The following CNOT10 variants were observed in gnomAD, a reference collection of about 807,000 sequenced individuals.
CNOT10 encodes the protein CCR4-NOT transcription complex subunit 10, also known as CCR4-NOT transcription complex, subunit 10.
A neutral mutation model predicts 94.6 loss-of-function variants in CNOT10; 30 were observed. That is an observed-to-expected ratio of 0.32 (90% confidence interval 0.24 to 0.43). The LOEUF (loss-of-function observed/expected upper bound fraction) is 0.43. Among genes scored for constraint, CNOT10 ranks in the 20% least tolerant of loss-of-function variants. CNOT10 has a pLI of 1.00. For synonymous variants in CNOT10, 289 were observed against 301.6 expected (o/e 0.96, Z 0.43); for missense variants, 759 against 877.2 (o/e 0.87, Z 1.70).
intron 3 of CNOT10, among the ~76,000 whole-genome samples, chr3:32,706,508 A>G: frequency 6.6e-6 from 1 of 152,210 alleles, no homozygotes. Context: ...GTTCGCAGTC[A>G]CATCGGGCAC....
intron 13 of CNOT10, among the ~76,000 whole-genome samples, chr3:32,741,484 C>T (rs1026888545): frequency 2.0e-5 from 3 of 151,884 alleles, no homozygotes; most frequent in African/African-American, 7.3e-5. Flanking sequence ...TAAGAAACTG[C>T]CAAGGCCAGG....
chr3:32,689,829 C>T (rs868465449), intron 1 of CNOT10, among the ~76,000 whole-genome samples: 3 of 152,008 alleles, frequency 2.0e-5, no homozygotes, highest in Non-Finnish European at 2.9e-5. Flanking sequence ...GTGGCGTGAC[C>T]CTGAAGTCCT....
chr3:32,750,852 A>G (rs1052727709), intron 13 of CNOT10, among the ~76,000 whole-genome samples: 3 of 152,152 alleles, frequency 2.0e-5, no homozygotes, highest in African/African-American at 7.2e-5. Context: ...GCCCAGCTAT[A>G]TAACAATATT....
In CNOT10 at chr3:32,759,517, C is replaced by G; in HGVS notation, c.1655C>G (p.Ala552Gly). The change falls in exon 14 of 19, where the codon GCT (alanine) becomes GGT (glycine). Residue 552 changes from alanine to glycine, a missense_variant. Around this residue, in one of 3 missense-constraint regions of CNOT10, gnomAD observed 682 missense variants for 799.4 expected, o/e 0.85. Coordinates refer to ENST00000328834, the MANE Select transcript of CNOT10 (RefSeq NM_015442.3). ...CTGGCTTTGGGTGATAACCTCATGG[C>G]TTTGAATCATGCAGATAAACTTCTT... ...VALALGDNLMALNHADKLLQQ... is the reference protein window; with the variant it reads ...VALALGDNLMGLNHADKLLQQ... The G allele has an allele frequency of 6.2e-7, 1 of 1,614,098 alleles. No homozygotes were observed. Among genetic ancestry groups the G allele is most frequent in the East Asian group, 2.2e-5 (1 of 44,878 alleles).
intron 13 of CNOT10, among the ~76,000 whole-genome samples, chr3:32,755,636 A>G (rs1700196011): frequency 6.6e-6 from 1 of 151,966 alleles, no homozygotes; most frequent in East Asian, 1.9e-4. Flanking sequence ...TATTTCAGAT[A>G]TTTGGTTTAG....
At chr3:32,764,832 T>G in intron 17 of CNOT10, 23 bp downstream of exon 17, 1 of 1,610,806 alleles carries the variant, frequency 6.2e-7, no homozygotes, top group South Asian at 1.1e-5. Flanking sequence ...TGGGAGGAAC[T>G]GAACCTTGTA....
At chr3:32,748,695 A>G (rs569347620) in intron 13 of CNOT10, among the ~76,000 whole-genome samples, 1 of 150,942 alleles carries the variant, frequency 6.6e-6, no homozygotes, top group East Asian at 2.0e-4. Flanking sequence ...TTTTTTGTAG[A>G]GACGGTGTTT....
chr3:32,719,198 G>A (rs1187913296), intron 7 of CNOT10, among the ~76,000 whole-genome samples: 2 of 152,160 alleles, frequency 1.3e-5, no homozygotes, highest in African/African-American at 4.8e-5. Flanking sequence ...GCAGTGAGCC[G>A]AGATCGCGCC....
At chr3:32,702,845 G>C (rs1256824437) in intron 1 of CNOT10, among the ~76,000 whole-genome samples, 1 of 151,896 alleles carries the variant, frequency 6.6e-6, no homozygotes, top group Non-Finnish European at 1.5e-5. Flanking sequence ...TTGGCCATAG[G>C]AACCTTTTCA....
At chr3:32,716,575 A>G (rs1186540380) in intron 6 of CNOT10, among the ~76,000 whole-genome samples, 1 of 152,206 alleles carries the variant, frequency 6.6e-6, no homozygotes, top group Non-Finnish European at 1.5e-5. Context: ...ATCAACTGGA[A>G]TTTTAAAAAG....
intron 13 of CNOT10, among the ~76,000 whole-genome samples, chr3:32,751,307 T>G (rs1330753561): frequency 6.6e-6 from 1 of 152,062 alleles, no homozygotes; most frequent in Non-Finnish European, 1.5e-5. Flanking sequence ...AGTCTCACTG[T>G]ATCGCCCAGG....
At chr3:32,744,934 A>G (rs1699627748) in intron 13 of CNOT10, among the ~76,000 whole-genome samples, 1 of 152,082 alleles carries the variant, frequency 6.6e-6, no homozygotes. Flanking sequence ...GCTGGAGTGC[A>G]GTGGCTCAAT....
chr3:32,738,931 G>A (rs923672795), intron 13 of CNOT10, among the ~76,000 whole-genome samples: 1 of 141,488 alleles, frequency 7.1e-6, no homozygotes, highest in African/African-American at 2.6e-5. Context: ...TTGAGTTGGA[G>A]TTTTACTCTC....
intron 7 of CNOT10, among the ~76,000 whole-genome samples, chr3:32,717,721 C>A (rs1253809169): frequency 6.6e-6 from 1 of 151,840 alleles, no homozygotes; most frequent in African/African-American, 2.4e-5. Flanking sequence ...CAAAAATAAG[C>A]CGGGTGTGGT....
chr3:32,700,338 C>T (rs1016246618), intron 1 of CNOT10, among the ~76,000 whole-genome samples: 4 of 152,154 alleles, frequency 2.6e-5, no homozygotes. Flanking sequence ...ATGCTAAAAA[C>T]TATTTAATAC....
chr3:32,709,237 C>T (rs1477402864), intron 4 of CNOT10, among the ~76,000 whole-genome samples: 1 of 152,070 alleles, frequency 6.6e-6, no homozygotes, highest in African/African-American at 2.4e-5. Flanking sequence ...AAGTATAGAA[C>T]AGAGTTAGTT....
chr3:32,759,106 G>C (rs1435809233), intron 13 of CNOT10, among the ~76,000 whole-genome samples: 2 of 149,890 alleles, frequency 1.3e-5, no homozygotes, highest in Non-Finnish European at 3.0e-5. Flanking sequence ...ATGGAAGTTA[G>C]TTCTCATTAG....
chr3:32,723,784 A>G (rs1463236629), intron 8 of CNOT10, among the ~76,000 whole-genome samples: 1 of 152,188 alleles, frequency 6.6e-6, no homozygotes, highest in Non-Finnish European at 1.5e-5. Flanking sequence ...TCTGTAACCA[A>G]ATAAAGCAAT....
intron 4 of CNOT10, among the ~76,000 whole-genome samples, chr3:32,710,500 T>G (rs1697837168): frequency 6.6e-6 from 1 of 152,156 alleles, no homozygotes; most frequent in African/African-American, 2.4e-5. Flanking sequence ...TCATCCAAAG[T>G]TCATAGTTTA....
Sources: gnomAD v4.1 joint callset for allele counts (sites outside exome capture counted in the v4.1 genomes callset) on GRCh38, gnomAD v4.1.1 for gene constraint, gnomAD v4.1.1 regional missense constraint, MANE v1.5 for transcripts, NCBI Gene and HGNC (gene_info 2026-07-23, HGNC 2026-07-21) for gene names.